MACROD2: variants seen among roughly 807,000 people sequenced by gnomAD.
MACROD2 encodes mono-ADP ribosylhydrolase 2, also known as ADP-ribose glycohydrolase MACROD2.
MACROD2 carries 36 observed loss-of-function variants against 70.4 expected under a neutral mutation model. The ratio of observed to expected loss-of-function variants is 0.51; its 90% CI spans 0.39 to 0.68. The LOEUF is 0.68. Ranked by LOEUF, MACROD2 falls within the 30% of genes least tolerant of loss-of-function variation. The pLI is 0.00. For missense variants in MACROD2, 496 were observed against 538.4 expected (o/e 0.92, Z 0.78); for synonymous variants, 172 against 178.8 (o/e 0.96, Z 0.30).
intron 5 of MACROD2, among the ~76,000 whole-genome samples, chr20:15,127,128 C>T (rs1250304300): frequency 6.6e-6 from 1 of 152,046 alleles, no homozygotes; most frequent in Admixed American, 6.6e-5. Context: ...ACATGGAAAA[C>T]ATCTTGGTAA....
chr20:14,886,072 G>A (rs1283715007), intron 5 of MACROD2, among the ~76,000 whole-genome samples: 3 of 152,174 alleles, frequency 2.0e-5, no homozygotes, highest in African/African-American at 7.2e-5. Flanking sequence ...TAACAGCTGA[G>A]CACAAATAAA....
intron 2 of MACROD2, among the ~76,000 whole-genome samples, chr20:14,058,709 T>C (rs2053659514): frequency 6.6e-6 from 1 of 150,974 alleles, no homozygotes; most frequent in Non-Finnish European, 1.5e-5. Context: ...AGTGGCGTGA[T>C]CTCGGCTCAC....
chr20:14,957,506 C>A (rs2074547455), intron 5 of MACROD2, among the ~76,000 whole-genome samples: 1 of 152,126 alleles, frequency 6.6e-6, no homozygotes. Context: ...GTTCACCAGC[C>A]ACAGCCCATT....
In MACROD2 at chr20:14,803,605, C is replaced by T. The variant is rs111716050; in HGVS notation, c.418+118646C>T. ...AAGTGATTCTCCAGCCTCAGCCTCC[C>T]GAGTAGCTGGGATTACAGGTGTGCA... On this transcript the variant is annotated intron_variant, in intron 5 of 17. Coordinates refer to ENST00000684519, the MANE Select transcript of MACROD2 (RefSeq NM_001351661.2). 3.9e-3 allele frequency among the ~76,000 whole-genome samples: 598 copies of T among 151,970 alleles called. 6 individuals carry two copies. The highest frequency in any genetic ancestry group is 6.7e-3 in the Non-Finnish European group (453 of 67,946).
chr20:14,109,443 A>G (rs568295836), intron 3 of MACROD2, among the ~76,000 whole-genome samples: 1 of 152,058 alleles, frequency 6.6e-6, no homozygotes, highest in Admixed American at 6.6e-5. Context: ...AGAAAACAAT[A>G]CAAAAGATCA....
At chr20:15,880,041 G>A (rs2064732665) in intron 9 of MACROD2, among the ~76,000 whole-genome samples, 1 of 152,100 alleles carries the variant, frequency 6.6e-6, no homozygotes, top group Non-Finnish European at 1.5e-5. Flanking sequence ...ACCTTCAACT[G>A]ATTGGATGAG....
At chr20:14,155,173 A>C (rs1263320351) in intron 3 of MACROD2, among the ~76,000 whole-genome samples, 1 of 152,214 alleles carries the variant, frequency 6.6e-6, no homozygotes, top group Non-Finnish European at 1.5e-5. Flanking sequence ...TATATAACTC[A>C]TATATACATG....
intron 8 of MACROD2, among the ~76,000 whole-genome samples, chr20:15,544,893 G>A (rs913533755): frequency 6.6e-6 from 1 of 152,194 alleles, no homozygotes; most frequent in African/African-American, 2.4e-5. Flanking sequence ...CTGAGCAGCG[G>A]TGGGGTCACA....
At chr20:15,461,066 A>AGCATGACCATAGTTCACT (rs1036243318) in intron 7 of MACROD2, among the ~76,000 whole-genome samples, 2 of 142,986 alleles carry the variant, frequency 1.4e-5, no homozygotes, top group Non-Finnish European at 3.0e-5. Flanking sequence ...GTGAGCTATG[A>AGCATGACCATAGTTCACT]GCATGACCAT....
At chr20:14,054,281 A>T (rs1432617177) in intron 2 of MACROD2, among the ~76,000 whole-genome samples, 1 of 151,776 alleles carries the variant, frequency 6.6e-6, no homozygotes, top group Non-Finnish European at 1.5e-5. Flanking sequence ...ATTTAGCAAG[A>T]TGTATAAGGA....
At chr20:14,279,468 C>A (rs2082286985) in intron 3 of MACROD2, among the ~76,000 whole-genome samples, 1 of 151,958 alleles carries the variant, frequency 6.6e-6, no homozygotes, top group South Asian at 2.1e-4. Flanking sequence ...TGATAATAGT[C>A]ATAACAACTT....
intron 5 of MACROD2, among the ~76,000 whole-genome samples, chr20:15,200,940 T>C (rs1001633144): frequency 2.0e-5 from 3 of 152,070 alleles, no homozygotes; most frequent in Non-Finnish European, 4.4e-5. Context: ...TGGGAGTACA[T>C]AAATAATTCA....
chr20:15,816,634 G>A (rs922632394), intron 8 of MACROD2, among the ~76,000 whole-genome samples: 2 of 152,026 alleles, frequency 1.3e-5, no homozygotes, highest in African/African-American at 2.4e-5. Context: ...CTGCTCCTTC[G>A]ATATTTGACA....
intron 3 of MACROD2, among the ~76,000 whole-genome samples, chr20:14,252,239 C>T (rs1440757080): frequency 3.3e-5 from 5 of 151,946 alleles, no homozygotes; most frequent in Non-Finnish European, 5.9e-5. Flanking sequence ...AATCAGGTCT[C>T]TCCAATTATA....
At chr20:16,003,991 T>G (rs898244981) in intron 15 of MACROD2, among the ~76,000 whole-genome samples, 2 of 152,022 alleles carry the variant, frequency 1.3e-5, no homozygotes, top group African/African-American at 4.8e-5. Context: ...TTTTAATGAG[T>G]TCCCAGGTGA....
intron 5 of MACROD2, among the ~76,000 whole-genome samples, chr20:15,179,290 T>A (rs896706372): frequency 1.4e-4 from 22 of 152,176 alleles, no homozygotes; most frequent in African/African-American, 5.1e-4. Context: ...ATTTTTTTAT[T>A]GACAGATATA....
chr20:14,786,977 G>A (rs2072382379), intron 5 of MACROD2, among the ~76,000 whole-genome samples: 1 of 152,132 alleles, frequency 6.6e-6, no homozygotes, highest in Non-Finnish European at 1.5e-5. Context: ...AATGATCATA[G>A]GCAATTTCTA....
chr20:14,709,485 G>A (rs1194818345), intron 5 of MACROD2, among the ~76,000 whole-genome samples: 1 of 152,084 alleles, frequency 6.6e-6, no homozygotes, highest in Non-Finnish European at 1.5e-5. Context: ...ACTGTATCCA[G>A]TATATATCCT....
intron 8 of MACROD2, among the ~76,000 whole-genome samples, chr20:15,605,085 T>A (rs1198884322): frequency 6.6e-6 from 1 of 152,150 alleles, no homozygotes; most frequent in African/African-American, 2.4e-5. Flanking sequence ...AAAAAGCATA[T>A]GTTGAATGAT....
Sources: gnomAD v4.1 joint callset for allele counts (sites outside exome capture counted in the v4.1 genomes callset) on GRCh38, gnomAD v4.1.1 for gene constraint, MANE v1.5 for transcripts, NCBI Gene and HGNC (gene_info 2026-07-23, HGNC 2026-07-21) for gene names.